The following DOCK8 variants were observed in gnomAD, a reference collection of about 807,000 sequenced individuals.
The protein encoded by DOCK8 is dedicator of cytokinesis protein 8.
Under a neutral mutation model 245.6 loss-of-function variants are expected in DOCK8, and 141 were observed. That is an observed-to-expected ratio of 0.57 (90% CI 0.50 to 0.66). DOCK8 has a LOEUF of 0.66. Among genes scored for constraint, DOCK8 ranks in the 30% least tolerant of loss-of-function variants. The pLI is 0.00. For missense variants in DOCK8, 2,965 were observed against 2,603.4 expected (o/e 1.14, Z -3.02); for synonymous variants, 1,168 against 970.2 (o/e 1.20, Z -3.79).
chr9:233,943 T>C (rs1249148526), intron 1 of DOCK8, among the ~76,000 whole-genome samples: 3 of 152,204 alleles, frequency 2.0e-5, no homozygotes, highest in Non-Finnish European at 4.4e-5. Context: ...GTCATTATGA[T>C]GTTAGCTGGT....
intron 46 of DOCK8, chr9:456,371 A>G (rs2057640641): frequency 6.6e-6 from 1 of 152,198 alleles, no homozygotes; most frequent in Non-Finnish European, 1.5e-5. Flanking sequence ...GAAGTGGAAA[A>G]TATTTGGGGC....
At chr9:455,841 A>G (rs2057621973) in intron 46 of DOCK8, among the ~76,000 whole-genome samples, 1 of 145,928 alleles carries the variant, frequency 6.9e-6, no homozygotes, top group South Asian at 2.2e-4. Flanking sequence ...CAATAAAATT[A>G]TGTGAGAACA....
intron 12 of DOCK8, among the ~76,000 whole-genome samples, chr9:338,034 A>G (rs1219964373): frequency 2.0e-5 from 3 of 152,076 alleles, no homozygotes; most frequent in Non-Finnish European, 4.4e-5. Flanking sequence ...CACACCTGTA[A>G]TCCCAGCTAC....
At chr9:447,861 A>G (rs2057312685) in intron 44 of DOCK8, among the ~76,000 whole-genome samples, 1 of 152,214 alleles carries the variant, frequency 6.6e-6, no homozygotes. Context: ...CAGAAGCTGA[A>G]GAAAGCCTGA....
In DOCK8 at chr9:452,149, G is replaced by A. The variant is rs16909246; in HGVS notation, c.6068+32G>A. ...AGGAAAATGGCTGGGAATTTCAGTA[G>A]AGCAGTGGTTCTCAAAGTGCAATCT... On this transcript the variant is annotated intron_variant, in intron 46 of 47. Transcript: ENST00000432829. The A allele has an allele frequency of 2.8e-6, 4 of 1,420,508 alleles. No homozygotes were observed. The African/African-American group carries it at 4.2e-5, about 15-fold the overall frequency. The allele number at this position is 1,420,508 out of a possible 1,614,324, so 88.0% of individuals were successfully genotyped here.
intron 44 of DOCK8, among the ~76,000 whole-genome samples, chr9:447,634 CT>C (rs1244234028): frequency 6.6e-6 from 1 of 152,156 alleles, no homozygotes; most frequent in Non-Finnish European, 1.5e-5. Context: ...AAATCTTTTT[CT>C]TTCCACACCC....
intron 1 of DOCK8, among the ~76,000 whole-genome samples, chr9:223,637 G>C (rs551157753): frequency 6.7e-6 from 1 of 149,664 alleles, no homozygotes; most frequent in African/African-American, 2.4e-5. Context: ...TTTTTTTTTA[G>C]GGAGAATCTG....
intron 10 of DOCK8, 84 bp downstream of exon 10, chr9:332,562 C>T: frequency 1.1e-6 from 1 of 909,282 alleles, no homozygotes; most frequent in East Asian, 2.6e-5. Flanking sequence ...AGTTAATGGG[C>T]TTTAGTCCCT....
intron 7 of DOCK8, among the ~76,000 whole-genome samples, chr9:319,617 T>C (rs1378666593): frequency 6.6e-6 from 1 of 152,140 alleles, no homozygotes; most frequent in African/African-American, 2.4e-5. Context: ...CCCATTTACA[T>C]TGATATGTAG....
chr9:240,864 A>T (rs565781208), intron 1 of DOCK8, among the ~76,000 whole-genome samples: 2 of 152,174 alleles, frequency 1.3e-5, no homozygotes, highest in Non-Finnish European at 2.9e-5. Context: ...TCTCTTAAAT[A>T]AAAAAATATT....
In DOCK8 at chr9:241,590, G is replaced by T. The variant is rs933290236; in HGVS notation, c.53+26561G>T. Among the ~76,000 whole-genome samples the T allele has an allele frequency of 2.0e-5, 3 of 152,138 alleles. No individual in the cohort carries two copies. The South Asian group carries it at 6.2e-4, about 32-fold the overall frequency. On this transcript the variant is annotated intron_variant, in intron 1 of 47. Transcript: ENST00000432829. ...TTTTTAATGGATACCATTCCAGTGT[G>T]TATCTATCCCACATTTTCTTTATCC...
intron 44 of DOCK8, 79 bp downstream of exon 44, chr9:446,685 C>A: frequency 7.9e-7 from 1 of 1,266,984 alleles, no homozygotes; most frequent in Non-Finnish European, 1.1e-6. Context: ...ACCTCTTTCA[C>A]AGTGGATTGG....
intron 43 of DOCK8, among the ~76,000 whole-genome samples, chr9:445,555 C>G (rs1402207167): frequency 6.6e-6 from 1 of 152,226 alleles, no homozygotes; most frequent in African/African-American, 2.4e-5. Context: ...TTGACAAACA[C>G]ATGTGACTAC....
chr9:442,018 A>G lies in DOCK8; in HGVS notation c.5490+9A>G, dbSNP rs1257027593. On this transcript the variant is annotated intron_variant, in intron 42 of 47. Coordinates refer to ENST00000432829, the MANE Select transcript of DOCK8 (RefSeq NM_203447.4). ...TCTCACATAGACTAGAGGTAAGAAA[A>G]GTGATTCTGTGCGCCTGACCTGGTA... 1 of 1,613,790 alleles carries G rather than the reference A, an allele frequency of 6.2e-7. No homozygotes were observed. Among genetic ancestry groups the G allele is most frequent in the Non-Finnish European group, 8.5e-7 (1 of 1,180,016 alleles).
intron 27 of DOCK8, 112 bp downstream of exon 27, chr9:405,185 C>A: frequency 1.8e-6 from 2 of 1,086,776 alleles, no homozygotes; most frequent in Non-Finnish European, 2.7e-6. Context: ...GACAAAAAAT[C>A]AAACAATTCA....
In DOCK8 at chr9:432,302, A is replaced by G. The variant is rs370245413; in HGVS notation, c.4763A>G (p.Gln1588Arg). ...LAYSEEDTAM[Q>R]MTPFPTQVEE... ...TATTCAGAAGAGGACACAGCCATGC[A>G]GATGACTCCTTTTCCCACCCAGGTA... Residue 1588 changes from glutamine (Q) to arginine (R), a missense_variant, in exon 37 of 48, where the codon CAG becomes CGG. Around this residue, in one of 3 missense-constraint regions of DOCK8, gnomAD observed 2,825 missense variants for 2,453.5 expected, o/e 1.15. Coordinates refer to ENST00000432829, the MANE Select transcript of DOCK8 (RefSeq NM_203447.4). 3.7e-6 allele frequency: 6 copies of G among 1,614,058 alleles called. No individual in the cohort carries two copies. Among genetic ancestry groups the G allele is most frequent in the Admixed American group, 3.3e-5 (2 of 60,006 alleles).
intron 1 of DOCK8, among the ~76,000 whole-genome samples, chr9:228,340 A>G (rs183138343): frequency 6.6e-6 from 1 of 152,320 alleles, no homozygotes; most frequent in Admixed American, 6.5e-5. Context: ...TTGCACCAGC[A>G]TTAAGACTTC....
intron 24 of DOCK8, among the ~76,000 whole-genome samples, chr9:392,190 A>C (rs2054230567): frequency 6.6e-6 from 1 of 152,052 alleles, no homozygotes; most frequent in Admixed American, 6.6e-5. Context: ...GGTTCCACCT[A>C]AGCTCTAGTT....
Position 390,500 on chromosome 9 carries a change from G to A in DOCK8, c.2904G>A (p.Met968Ile), listed in dbSNP as rs2054143397. Residue 968 changes from methionine (M) to isoleucine (I), a missense_variant, in exon 24 of 48, where the codon ATG (methionine) becomes ATA (isoleucine). Physicochemically the swap from Met to Ile is conservative, Grantham distance 10. Around this residue, in one of 3 missense-constraint regions of DOCK8, gnomAD observed 2,825 missense variants for 2,453.5 expected, o/e 1.15. Coordinates refer to ENST00000432829, the MANE Select transcript of DOCK8 (RefSeq NM_203447.4). The stretch of plus-strand genomic sequence containing the variant: ...TCCATGAGGAGCTTGCCCTTCAGAT[G>A]GTGGTCAGCACCGGAATGGTGAGAG... ...KHFHEELALQ[M>I]VVSTGMVRET... 1 of 1,614,162 alleles carries A rather than the reference G, an allele frequency of 6.2e-7. No homozygotes were observed. The highest frequency in any genetic ancestry group is 8.5e-7 in the Non-Finnish European group (1 of 1,180,006).
Sources: gnomAD v4.1 joint callset for allele counts (sites outside exome capture counted in the v4.1 genomes callset) on GRCh38, gnomAD v4.1.1 for gene constraint, gnomAD v4.1.1 regional missense constraint, MANE v1.5 for transcripts, NCBI Gene and HGNC (gene_info 2026-07-23, HGNC 2026-07-21) for gene names.